The following DNTT variants were observed in gnomAD, a reference collection of about 807,000 sequenced individuals.
DNTT encodes the protein nucleosidetriphosphate:DNA deoxynucleotidylexotransferase.
DNTT carries 47 observed loss-of-function variants against 60.9 expected under a neutral mutation model. That is an observed-to-expected ratio of 0.77 (90% confidence interval 0.61 to 0.98). The LOEUF (loss-of-function observed/expected upper bound fraction) is 0.98. Among genes scored for constraint, DNTT ranks in the 50% least tolerant of loss-of-function variants. DNTT has a pLI of 0.00. For missense variants in DNTT, 665 were observed against 627.5 expected, an observed-to-expected ratio of 1.06 and a Z score of -0.64; for synonymous variants, 224 against 221.2, an observed-to-expected ratio of 1.01 and a Z score of -0.11.
chr10:96,329,820 C>G (rs1297291249), intron 8 of DNTT, among the ~76,000 whole-genome samples: 1 of 152,160 alleles, frequency 6.6e-6, no homozygotes, highest in Non-Finnish European at 1.5e-5. Context: ...TGCAACCCTC[C>G]TCAGAAGGCA....
chr10:96,308,886 C>T (rs1372837219), intron 1 of DNTT, among the ~76,000 whole-genome samples: 2 of 152,182 alleles, frequency 1.3e-5, no homozygotes, highest in African/African-American at 2.4e-5. Context: ...AGAAACAAAT[C>T]ACAATGGTGG....
In DNTT at chr10:96,335,879, T is replaced by A. The variant is rs747171514; in HGVS notation, c.1360-12T>A. Reference sequence around the variant, plus strand: ...ACGTGTTAATAATTTATTTTAACTATCTCCTATCCAGCAGTTTGAGAGAGA... The same window carrying A: ...ACGTGTTAATAATTTATTTTAACTAACTCCTATCCAGCAGTTTGAGAGAGA... On this transcript the variant is annotated splice_polypyrimidine_tract_variant and intron_variant, in intron 9 of 10. Coordinates refer to ENST00000371174, the MANE Select transcript of DNTT (RefSeq NM_004088.4). The A allele has an allele frequency of 1.9e-6, 3 of 1,613,888 alleles. No homozygotes were observed. Among genetic ancestry groups the A allele is most frequent in the East Asian group, 2.2e-5 (1 of 44,898 alleles).
intron 7 of DNTT, among the ~76,000 whole-genome samples, 170 bp from the exon 8 acceptor site, chr10:96,328,555 T>A (rs1351363801): frequency 6.6e-6 from 1 of 152,218 alleles, no homozygotes; most frequent in Non-Finnish European, 1.5e-5. Flanking sequence ...CATAAATTTA[T>A]TTTGTAAGGA....
intron 6 of DNTT, among the ~76,000 whole-genome samples, chr10:96,325,794 G>A (rs1589374653): frequency 6.6e-6 from 1 of 152,194 alleles, no homozygotes; most frequent in African/African-American, 2.4e-5. Context: ...GAATAGCTTA[G>A]AATACTGTGA....
intron 1 of DNTT, among the ~76,000 whole-genome samples, chr10:96,313,992 C>T (rs1028772154): frequency 6.6e-6 from 1 of 152,184 alleles, no homozygotes; most frequent in Non-Finnish European, 1.5e-5. Context: ...GTGGCTGCTC[C>T]GTCTTGATGT....
At chr10:96,332,954 C>T (rs1443035625) in intron 9 of DNTT, among the ~76,000 whole-genome samples, 1 of 152,086 alleles carries the variant, frequency 6.6e-6, no homozygotes, top group Non-Finnish European at 1.5e-5. Flanking sequence ...TCTGATGCAG[C>T]TCAAGTAGGA....
chr10:96,332,708 G>A (rs1845022139), intron 9 of DNTT, 112 bp downstream of exon 9: 1 of 1,490,234 alleles, frequency 6.7e-7, no homozygotes, highest in Non-Finnish European at 9.0e-7. Context: ...GACAGGGGAG[G>A]GGCCAGTACC....
At chr10:96,333,718 A>G (rs1340934930) in intron 9 of DNTT, among the ~76,000 whole-genome samples, 2 of 152,250 alleles carry the variant, frequency 1.3e-5, no homozygotes, top group South Asian at 2.1e-4. Flanking sequence ...TCAGGCACAG[A>G]GAGACAAATA....
rs1844873904 is a variant in DNTT, at chr10:96,321,325, T to C, written c.678+537T>C. ...TGACTTGGGGTATATGTTGGCATAC[T>C]TCTGGGGTCCTGCGTCACTTTTCCC... On this transcript the variant is annotated intron_variant, in intron 4 of 10. Transcript: ENST00000371174. Among the ~76,000 whole-genome samples the C allele has an allele frequency of 2.6e-5, 4 of 152,250 alleles. No individual in the cohort carries two copies. In the South Asian group the frequency reaches 8.3e-4, roughly 32 times the overall value.
chr10:96,330,482 T>A (rs1405109997), intron 8 of DNTT, among the ~76,000 whole-genome samples: 1 of 152,176 alleles, frequency 6.6e-6, no homozygotes, highest in Non-Finnish European at 1.5e-5. Context: ...AAAGTGGAAT[T>A]GTATTTTCCG....
intron 1 of DNTT, among the ~76,000 whole-genome samples, chr10:96,316,264 T>C (rs972779130): frequency 1.3e-5 from 2 of 152,218 alleles, no homozygotes; most frequent in Non-Finnish European, 2.9e-5. Context: ...ATAGGTGAGC[T>C]GATGCAGATG....
rs956219243 is a variant in DNTT, at chr10:96,338,220, C to T, written c.1526C>T (p.Ala509Val). The change falls in exon 11 of 11, where the codon GCC becomes GTC. Residue 509 changes from alanine to valine, a missense_variant. Transcript: ENST00000371174. ...LDYIEPWERN[A>V] Reference sequence around the variant, plus strand: ...TATATTGAACCGTGGGAAAGAAATGCCTAGGAAAGTGTTGTCAACATTTTT... The same window carrying T: ...TATATTGAACCGTGGGAAAGAAATGTCTAGGAAAGTGTTGTCAACATTTTT... 28 of 1,606,574 alleles carry T rather than the reference C, an allele frequency of 1.7e-5. No individual in the cohort carries two copies. Among genetic ancestry groups the T allele is most frequent in the Middle Eastern group, 1.7e-4 (1 of 6,052 alleles).
At chr10:96,336,831 G>A (rs957715130) in intron 10 of DNTT, among the ~76,000 whole-genome samples, 7 of 151,738 alleles carry the variant, frequency 4.6e-5, no homozygotes, top group Admixed American at 3.3e-4. Flanking sequence ...CCAGCTACTT[G>A]GGAGGCTGAG....
chr10:96,327,359 G>A, intron 6 of DNTT, 109 bp from the exon 7 acceptor site: 1 of 1,501,236 alleles, frequency 6.7e-7, no homozygotes, highest in South Asian at 1.1e-5. Context: ...TGGTGTTGAT[G>A]CCTGTAGTCA....
At chr10:96,316,158 C>A (rs1269822018) in intron 1 of DNTT, among the ~76,000 whole-genome samples, 5 of 152,162 alleles carry the variant, frequency 3.3e-5, no homozygotes, top group Non-Finnish European at 1.5e-5. Flanking sequence ...CAAAGAGACG[C>A]AACTTCCTAA....
chr10:96,318,715 A>G (rs948444478), intron 2 of DNTT, among the ~76,000 whole-genome samples, 189 bp downstream of exon 2: 8 of 152,216 alleles, frequency 5.3e-5, no homozygotes, highest in African/African-American at 1.9e-4. Context: ...TGCCAGCCTC[A>G]CAAAATGGTC....
At chr10:96,314,579 A>AT (rs757010113) in intron 1 of DNTT, among the ~76,000 whole-genome samples, 2 of 149,050 alleles carry the variant, frequency 1.3e-5, no homozygotes, top group East Asian at 2.0e-4. Flanking sequence ...CGCCCAGCTA[A>AT]TTTTTTGTAT....
At chr10:96,331,125 T>C (rs951064288) in intron 8 of DNTT, among the ~76,000 whole-genome samples, 11 of 152,022 alleles carry the variant, frequency 7.2e-5, no homozygotes, top group African/African-American at 2.7e-4. Context: ...GAAACATGTG[T>C]CATTAACTTT....
intron 1 of DNTT, among the ~76,000 whole-genome samples, chr10:96,307,095 C>T (rs919312867): frequency 6.6e-6 from 1 of 152,154 alleles, no homozygotes; most frequent in African/African-American, 2.4e-5. Context: ...TGTCAATGTG[C>T]TTTGATAAAT....
Sources: allele counts gnomAD v4.1 joint callset (sites outside exome capture counted in the v4.1 genomes callset), GRCh38; gene constraint gnomAD v4.1.1; transcripts MANE v1.5; gene names NCBI Gene and HGNC (gene_info 2026-07-23, HGNC 2026-07-21).